DAGLA: variants seen among roughly 807,000 people sequenced by gnomAD.
The protein encoded by DAGLA is diacylglycerol lipase-alpha.
DAGLA carries 22 observed loss-of-function variants against 102.6 expected under a neutral mutation model. That is an observed-to-expected ratio of 0.21 (90% CI 0.15 to 0.31). The LOEUF is 0.31. DAGLA is among the 10% of genes least tolerant of loss of function. DAGLA has a pLI of 1.00. For synonymous variants in DAGLA, 578 were observed against 628.9 expected (o/e 0.92, Z 1.21); for missense variants, 927 against 1,446.6 (o/e 0.64, Z 5.83).
chr11:61,739,739 T>C, intron 17 of DAGLA, 78 bp downstream of exon 17: 1 of 1,439,446 alleles, frequency 6.9e-7, no homozygotes, highest in South Asian at 1.3e-5. Context: ...CGGCCTTGGC[T>C]CAATCACCGC....
In DAGLA at chr11:61,738,199, A is replaced by C; in HGVS notation, c.1648A>C (p.Lys550Gln). The change falls in exon 16 of 20, where the codon AAG becomes CAG. Residue 550 changes from lysine (K) to glutamine (Q), a missense_variant. Lys to Gln is a moderately conservative substitution (Grantham distance 53). This residue lies in a region of DAGLA where 218 missense variants were observed against 459.6 expected (regional missense o/e 0.47). Transcript: ENST00000257215. ...QLLDVLQRST[K>Q]PKWRIIVGAT... The stretch of plus-strand genomic sequence containing the variant: ...CCTGGATGTCCTGCAGCGAAGCACC[A>C]AGCCCAAAGTGAGCCCCCACCTGGG... 1 of 1,612,728 alleles carries C rather than the reference A, an allele frequency of 6.2e-7. No individual in the cohort carries two copies. Among genetic ancestry groups the C allele is most frequent in the Non-Finnish European group, 8.5e-7 (1 of 1,179,908 alleles).
chr11:61,726,143 T>A (rs1297263422), intron 6 of DAGLA, 61 bp downstream of exon 6: 15 of 1,509,192 alleles, frequency 9.9e-6, no homozygotes, highest in Non-Finnish European at 1.4e-5. Flanking sequence ...ATTAAGGGGC[T>A]GTTGGCTCCT....
At chr11:61,707,270 C>A (rs572926629) in intron 1 of DAGLA, among the ~76,000 whole-genome samples, 1 of 152,216 alleles carries the variant, frequency 6.6e-6, no homozygotes, top group Non-Finnish European at 1.5e-5. Flanking sequence ...CAAGGCTGGG[C>A]GAGTCTCTTG....
intron 1 of DAGLA, among the ~76,000 whole-genome samples, chr11:61,692,500 G>A (rs1219370124): frequency 6.6e-6 from 1 of 152,146 alleles, no homozygotes; most frequent in African/African-American, 2.4e-5. Flanking sequence ...CGGGGCCTGG[G>A]AGTCTGCATA....
Position 61,746,947 on chromosome 11 carries a change from A to G in DAGLA, c.*2458A>G, listed in dbSNP as rs1410590362. 1 of 152,490 alleles carries G rather than the reference A, an allele frequency of 6.6e-6. No individual in the cohort carries two copies. Among genetic ancestry groups the G allele is most frequent in the Admixed American group, 6.5e-5 (1 of 15,288 alleles). The allele number at this position is 152,490 out of a possible 1,614,324, so 9.4% of individuals were successfully genotyped here. A position where few individuals can be genotyped will look rare whatever the true frequency, so the allele number is the denominator to read the frequency against. ...TAGCTTATTCTATAAATATATCTGT[A>G]TATAAAGGTTTCTGTATATTGTATA... On this transcript the variant is annotated 3_prime_UTR_variant, in exon 20 of 20. Coordinates refer to ENST00000257215, the MANE Select transcript of DAGLA (RefSeq NM_006133.3).
Position 61,720,184 on chromosome 11 carries a change from G to A in DAGLA, c.29G>A (p.Arg10His), listed in dbSNP as rs1413387479. Residue 10 changes from arginine to histidine, a missense_variant, in exon 2 of 20, where the codon CGC (arginine) becomes CAC (histidine). By Grantham distance (29) the Arg-to-His change is conservative. This residue lies in a region of DAGLA where 231 missense variants were observed against 439.8 expected (regional missense o/e 0.53). Transcript: ENST00000257215. MPGIVVFRR[R>H]WSVGSDDLVL... The stretch of plus-strand genomic sequence containing the variant: ...CCCGGGATCGTGGTGTTCCGGCGGC[G>A]CTGGTCTGTGGGCAGTGATGACCTC... The A allele has an allele frequency of 2.5e-6, 4 of 1,613,616 alleles. No individual in the cohort carries two copies. The highest frequency in any genetic ancestry group is 1.7e-6 in the Non-Finnish European group (2 of 1,180,034).
rs1170764380 is a variant in DAGLA at position 61,743,620 on chromosome 11, C to A, written c.2260C>A (p.Pro754Thr). 5.7e-6 allele frequency: 9 copies of A among 1,591,408 alleles called. No individual in the cohort carries two copies. The highest frequency in any genetic ancestry group is 1.7e-5 in the Admixed American group (1 of 58,506). The stretch of plus-strand genomic sequence containing the variant: ...GGTTGCGGCGGCGGCCCGCCAGGAC[C>A]CGGTGGAGCTGCTGCTGCTGTCTAC... ...PVVAAAARQD[P>T]VELLLLSTQE... The change falls in exon 20 of 20, where the codon CCG (proline) becomes ACG (threonine). Residue 754 changes from proline to threonine, a missense_variant. By Grantham distance (38) the Pro-to-Thr change is conservative. Transcript: ENST00000257215.
intron 19 of DAGLA, among the ~76,000 whole-genome samples, chr11:61,741,580 C>T (rs999586987): frequency 6.6e-6 from 1 of 152,094 alleles, no homozygotes; most frequent in Middle Eastern, 3.4e-3. Context: ...ACCCACAAAC[C>T]CTGGGCCACA....
At chr11:61,728,436 C>G in intron 7 of DAGLA, 149 bp downstream of exon 7, 2 of 942,920 alleles carry the variant, frequency 2.1e-6, no homozygotes, top group Middle Eastern at 6.3e-4. Flanking sequence ...GTCACCTTTA[C>G]CTCTGGCTCC....
chr11:61,730,964 C>T (rs549376131), intron 8 of DAGLA, among the ~76,000 whole-genome samples: 7 of 152,196 alleles, frequency 4.6e-5, no homozygotes, highest in South Asian at 2.1e-4. Flanking sequence ...GGCTGATTGC[C>T]GAGGTGGGGG....
intron 1 of DAGLA, among the ~76,000 whole-genome samples, chr11:61,699,163 A>G (rs187325891): frequency 2.6e-3 from 391 of 152,262 alleles, no homozygotes; most frequent in African/African-American, 8.8e-3. Flanking sequence ...GTTGGGGGGA[A>G]TTCTGCCCTG....
In DAGLA at chr11:61,720,776, A is replaced by G; in HGVS notation, c.193A>G (p.Ile65Val). 6.2e-7 allele frequency: 1 copy of G among 1,613,942 alleles called. No individual in the cohort carries two copies. The highest frequency in any genetic ancestry group is 8.5e-7 in the Non-Finnish European group (1 of 1,180,042). ...LVDHGRGYLG[I>V]LLSCMIAEMA... ...GGACCACGGCCGCGGCTACCTGGGC[A>G]TCCTGCTGAGCTGCATGATCGCTGA... is the stretch of plus-strand genomic sequence containing the variant. The change falls in exon 3 of 20, where the codon ATC becomes GTC. Residue 65 changes from isoleucine to valine, a missense_variant. This residue lies in a region of DAGLA where 231 missense variants were observed against 439.8 expected (regional missense o/e 0.53). Coordinates refer to ENST00000257215, the MANE Select transcript of DAGLA (RefSeq NM_006133.3).
intron 1 of DAGLA, among the ~76,000 whole-genome samples, chr11:61,687,997 C>T (rs1467962668): frequency 2.6e-5 from 4 of 152,124 alleles, no homozygotes; most frequent in Non-Finnish European, 5.9e-5. Flanking sequence ...TGGGAAAGGC[C>T]TTTGGGAAAG....
Position 61,734,994 on chromosome 11 carries a change from C to A in DAGLA, c.1120C>A (p.His374Asn), listed in dbSNP as rs2059906912. The A allele has an allele frequency of 6.2e-7, 1 of 1,613,260 alleles. No homozygotes were observed. The highest frequency in any genetic ancestry group is 1.1e-5 in the South Asian group (1 of 91,064). Residue 374 changes from histidine to asparagine, a missense_variant, in exon 10 of 20, where the codon CAT (histidine) becomes AAT (asparagine). His to Asn is a moderately conservative substitution (Grantham distance 68). Around this residue, in one of 4 missense-constraint regions of DAGLA, gnomAD observed 218 missense variants for 459.6 expected, o/e 0.47. Transcript: ENST00000257215. This position sits in a 1 kb window ranked among gnomAD's most constrained non-coding sequence, Gnocchi z 4.2. ...TAVDIVYTSC[H>N]DAVYETPFYV... ...GGTGGACATCGTCTATACCTCCTGC[C>A]ATGATGCGGTGAGGCCGGGCAGGGC...
chr11:61,740,427 C>G (rs2065467463), intron 17 of DAGLA, 36 bp from the exon 18 acceptor site: 1 of 1,604,688 alleles, frequency 6.2e-7, no homozygotes, highest in East Asian at 2.2e-5. Flanking sequence ...GGCCACCACC[C>G]CACCCTTAAC....
chr11:61,728,397 G>T (rs928499048), intron 7 of DAGLA, 110 bp downstream of exon 7: 1 of 1,373,526 alleles, frequency 7.3e-7, no homozygotes, highest in Non-Finnish European at 1.0e-6. Flanking sequence ...CAGCTCCCCA[G>T]TGACCACGCA....
chr11:61,712,893 T>A (rs2065206528), intron 1 of DAGLA, among the ~76,000 whole-genome samples: 1 of 152,146 alleles, frequency 6.6e-6, no homozygotes, highest in Non-Finnish European at 1.5e-5. Context: ...TTGCAAGTAG[T>A]TCAAGGAAGC....
chr11:61,739,348 T>G, intron 16 of DAGLA, 117 bp from the exon 17 acceptor site: 1 of 1,026,162 alleles, frequency 9.7e-7, no homozygotes, highest in South Asian at 1.5e-5. Context: ...CCTGCCCCTT[T>G]GCCATCTTAC....
intron 1 of DAGLA, among the ~76,000 whole-genome samples, chr11:61,714,678 G>A (rs1169039539): frequency 6.6e-6 from 1 of 152,202 alleles, no homozygotes; most frequent in Non-Finnish European, 1.5e-5. Context: ...TGGCAGTGAC[G>A]CTGCTGGGAT....
Sources: gnomAD v4.1 joint callset for allele counts (sites outside exome capture counted in the v4.1 genomes callset) on GRCh38, gnomAD v4.1.1 for gene constraint, gnomAD v4.1.1 regional missense constraint, Gnocchi (gnomAD v3.1) non-coding constraint, MANE v1.5 for transcripts, NCBI Gene and HGNC (gene_info 2026-07-23, HGNC 2026-07-21) for gene names.